Variants in METTL9 observed in about 807,000 individuals in gnomAD.
The protein encoded by METTL9 is protein-L-histidine N-pros-methyltransferase.
A neutral mutation model predicts 36.0 loss-of-function variants in METTL9; 10 were observed. That is an observed-to-expected ratio of 0.28 (90% confidence interval 0.17 to 0.47). The LOEUF (loss-of-function observed/expected upper bound fraction) is 0.47. Among genes scored for constraint, METTL9 ranks in the 20% least tolerant of loss-of-function variants. METTL9 has a pLI of 0.99. For missense variants in METTL9, 246 were observed against 383.5 expected (o/e 0.64, Z 3.00); for synonymous variants, 175 against 149.7 (o/e 1.17, Z -1.23).
intron 4 of METTL9, among the ~76,000 whole-genome samples, chr16:21,643,939 G>GCTATCT (rs1966347829): frequency 6.6e-6 from 1 of 152,090 alleles, no homozygotes; most frequent in Non-Finnish European, 1.5e-5. Flanking sequence ...CTTAAAGACT[G>GCTATCT]TTCTTAAGGC....
upstream of METTL9, chr16:21,599,565 C>T (rs1965041437): frequency 2.3e-6 from 3 of 1,285,360 alleles, no homozygotes; most frequent in Non-Finnish European, 2.9e-6. The surrounding 1 kb of genome is among the most constrained non-coding windows in gnomAD (Gnocchi z 4.4). Context: ...CGAGGCTGCG[C>T]GCCGGCTGCT....
chr16:21,636,721 C>T (rs141754028), intron 4 of METTL9, among the ~76,000 whole-genome samples: 1,774 of 152,294 alleles, frequency 0.012, 18 homozygotes, highest in South Asian at 0.023. Context: ...TCTGAAGAGT[C>T]GGGGGTTGTT....
upstream of METTL9, chr16:21,599,516 G>A: frequency 7.9e-7 from 1 of 1,258,844 alleles, no homozygotes; most frequent in East Asian, 3.5e-5. This position sits in a 1 kb window ranked among gnomAD's most constrained non-coding sequence, Gnocchi z 4.4. Context: ...GGTGCAGGGG[G>A]CAGCGGCGTT....
intron 4 of METTL9, among the ~76,000 whole-genome samples, chr16:21,636,050 A>G (rs183852040): frequency 6.6e-6 from 1 of 152,212 alleles, no homozygotes; most frequent in East Asian, 1.9e-4. Flanking sequence ...TTAGAGTCCT[A>G]AGCATTCTCC....
At chr16:21,605,375 G>A (rs959710129) in intron 1 of METTL9, among the ~76,000 whole-genome samples, 4 of 136,618 alleles carry the variant, frequency 2.9e-5, no homozygotes, top group East Asian at 4.9e-4. Context: ...CAAACTCCTG[G>A]CCTCAGTACA....
chr16:21,597,239 A>T, upstream of METTL9: 3 of 1,287,358 alleles, frequency 2.3e-6, no homozygotes, highest in Non-Finnish European at 3.0e-6. Flanking sequence ...CTGAGAAGAG[A>T]CAGCAAAGCT....
In METTL9 at chr16:21,618,154, T is replaced by C. The variant is rs539444548; in HGVS notation, c.566+80T>C. On this transcript the variant is annotated intron_variant, in intron 3 of 4. Transcript: ENST00000358154. ...GATATGAATAAAAAATGATCTTCCA[T>C]GATTAGAAATTTAAAAAATCATCTC... 301 of 1,079,448 alleles carry C rather than the reference T, an allele frequency of 2.8e-4. 3 individuals are homozygous for C. The Middle Eastern group carries it at 8.7e-3, about 31-fold the overall frequency. The allele number at this position is 1,079,448 out of a possible 1,614,324, so 66.9% of individuals were successfully genotyped here.
intron 3 of METTL9, among the ~76,000 whole-genome samples, chr16:21,619,876 AAGG>A (rs541878635): frequency 1.5e-3 from 231 of 152,298 alleles, no homozygotes; most frequent in Non-Finnish European, 2.7e-3. Context: ...CTTAGAAAGA[AAGG>A]AGAAGAAATT....
In METTL9 at chr16:21,615,936, G is replaced by C. The variant is rs79951617; in HGVS notation, c.357-1929G>C. Among the ~76,000 whole-genome samples, 1,345 of 152,210 alleles carry C rather than the reference G, an allele frequency of 8.8e-3. 47 individuals carry two copies. Among genetic ancestry groups the C allele is most frequent in the East Asian group, 0.082 (427 of 5,178 alleles). The stretch of plus-strand genomic sequence containing the variant: ...AAGCAGTTGTAGTCGGTAGCATCAC[G>C]TTTAGTGGTCTCTGAGGTCTTTCTC... On this transcript the variant is annotated intron_variant, in intron 2 of 4. Transcript: ENST00000358154.
intron 2 of METTL9, among the ~76,000 whole-genome samples, chr16:21,616,876 T>C (rs1043905399): frequency 6.6e-5 from 10 of 152,194 alleles, no homozygotes; most frequent in Non-Finnish European, 1.5e-4. Flanking sequence ...TAGCTTGTCA[T>C]CTTTTTCAAC....
chr16:21,603,092 C>A (rs776194692), intron 1 of METTL9, among the ~76,000 whole-genome samples: 1 of 151,946 alleles, frequency 6.6e-6, no homozygotes, highest in Non-Finnish European at 1.5e-5. Context: ...TGGCTTCTTA[C>A]AGAATAAAGA....
At chr16:21,634,767 GT>G (rs1299190603) in intron 4 of METTL9, among the ~76,000 whole-genome samples, 3 of 152,184 alleles carry the variant, frequency 2.0e-5, no homozygotes, top group Non-Finnish European at 2.9e-5. Context: ...GGCGACGGGA[GT>G]ATATTTTCTT....
Position 21,607,113 on chromosome 16 carries a change from C to T in METTL9, c.166-5532C>T, listed in dbSNP as rs1056507451. Among the ~76,000 whole-genome samples, 30 of 147,660 alleles carry T rather than the reference C, an allele frequency of 2.0e-4. 1 individual carries two copies. Among genetic ancestry groups the T allele is most frequent in the African/African-American group, 5.0e-5 (2 of 39,916 alleles). ...TTTTTTTTTGACAGTCTTGCTTTGT[C>T]GCCCAGGCTGGAGTGCAGTGGCACA... On this transcript the variant is annotated intron_variant, in intron 1 of 4. Transcript: ENST00000358154.
intron 4 of METTL9, chr16:21,643,041 T>C (rs1966316920): frequency 7.0e-7 from 1 of 1,427,470 alleles, no homozygotes; most frequent in African/African-American, 1.4e-5. Context: ...TTTATATCTG[T>C]ATTTACATTT....
At chr16:21,598,508 C>T (rs1280131002), upstream of METTL9, among the ~76,000 whole-genome samples, 1 of 152,154 alleles carries the variant, frequency 6.6e-6, no homozygotes, top group Non-Finnish European at 1.5e-5. Flanking sequence ...GACACATTTA[C>T]ATTATTTCTG....
intron 4 of METTL9, among the ~76,000 whole-genome samples, chr16:21,650,990 G>A (rs1336328830): frequency 2.6e-5 from 4 of 152,190 alleles, no homozygotes; most frequent in African/African-American, 2.4e-5. Flanking sequence ...ATGGGAGGCC[G>A]AGGCGGGCGG....
At chr16:21,626,578 C>G (rs1399609201) in intron 4 of METTL9, among the ~76,000 whole-genome samples, 4 of 152,132 alleles carry the variant, frequency 2.6e-5, no homozygotes, top group African/African-American at 9.7e-5. Flanking sequence ...TCCCCTTTCC[C>G]ATCTTAGATC....
intron 4 of METTL9, chr16:21,640,420 C>G (rs1235846473): frequency 6.6e-6 from 1 of 151,524 alleles, no homozygotes; most frequent in Non-Finnish European, 1.5e-5. Context: ...TTGTACCATG[C>G]CTCCTATCTG....
chr16:21,646,709 C>T (rs938365625), intron 4 of METTL9: 8 of 283,864 alleles, frequency 2.8e-5, no homozygotes, highest in Admixed American at 9.5e-5. Context: ...GACTGGAGTG[C>T]AGTAGTGCGA....
Sources: gnomAD v4.1 joint callset for allele counts (sites outside exome capture counted in the v4.1 genomes callset) on GRCh38, gnomAD v4.1.1 for gene constraint, Gnocchi (gnomAD v3.1) non-coding constraint, MANE v1.5 for transcripts, NCBI Gene and HGNC (gene_info 2026-07-23, HGNC 2026-07-21) for gene names.